NRG4: variants seen among roughly 807,000 people sequenced by gnomAD.
NRG4 encodes pro-neuregulin-4, membrane-bound isoform.
NRG4 carries 10 observed loss-of-function variants against 15.0 expected under a neutral mutation model. That is an observed-to-expected ratio of 0.67 (90% CI 0.41 to 1.13). NRG4 has a LOEUF of 1.13. Ranked by LOEUF, NRG4 falls within the 50% of genes most tolerant of loss-of-function variation. The pLI, the probability that NRG4 is intolerant of heterozygous loss-of-function variation, is 0.00. For missense variants in NRG4, 139 were observed against 140.2 expected (o/e 0.99, Z 0.04); for synonymous variants, 41 against 50.1 (o/e 0.82, Z 0.77).
At chr15:76,042,815 G>A (rs1367338375) in intron 4 of NRG4, among the ~76,000 whole-genome samples, 1 of 152,094 alleles carries the variant, frequency 6.6e-6, no homozygotes, top group East Asian at 1.9e-4. Flanking sequence ...TACAAGGTCA[G>A]TATTACCCTG....
At chr15:75,965,760 C>T (rs993279787) in intron 3 of NRG4, among the ~76,000 whole-genome samples, 1 of 152,190 alleles carries the variant, frequency 6.6e-6, no homozygotes, top group Non-Finnish European at 1.5e-5. Context: ...AATTAATCGA[C>T]TCCTTCAAAA....
chr15:76,044,099 G>A (rs1442120449), intron 4 of NRG4, among the ~76,000 whole-genome samples: 9 of 152,020 alleles, frequency 5.9e-5, no homozygotes, highest in East Asian at 1.9e-4. Context: ...CCAGGTTCAC[G>A]CCATTCTCCT....
At chr15:76,037,062 C>CA (rs2035613040) in intron 4 of NRG4, among the ~76,000 whole-genome samples, 1 of 151,996 alleles carries the variant, frequency 6.6e-6, no homozygotes, top group Non-Finnish European at 1.5e-5. Flanking sequence ...AATCAACATA[C>CA]AAAAATCAAT....
At chr15:76,054,566 C>T (rs1324471761) in intron 2 of NRG4, among the ~76,000 whole-genome samples, 1 of 152,222 alleles carries the variant, frequency 6.6e-6, no homozygotes, top group Non-Finnish European at 1.5e-5. Flanking sequence ...AGGCGCCCAC[C>T]ACCACGCTCA....
At chr15:75,945,581 A>C (rs376381155) in intron 5 of NRG4, among the ~76,000 whole-genome samples, 1 of 152,200 alleles carries the variant, frequency 6.6e-6, no homozygotes, top group Non-Finnish European at 1.5e-5. Flanking sequence ...CAAACCTAAC[A>C]AACAAAAGAC....
intron 3 of NRG4, among the ~76,000 whole-genome samples, chr15:76,002,360 A>C (rs1350051258): frequency 3.3e-5 from 5 of 152,226 alleles, no homozygotes; most frequent in Non-Finnish European, 1.5e-5. Flanking sequence ...TGAAGAAAAT[A>C]AAGTGGGAAC....
At chr15:76,018,213 G>T (rs571745713) in intron 5 of NRG4, among the ~76,000 whole-genome samples, 1 of 152,188 alleles carries the variant, frequency 6.6e-6, no homozygotes, top group African/African-American at 2.4e-5. Context: ...GCTTATTCCA[G>T]TTAGTAATTC....
At chr15:75,978,791 C>T (rs567831378) in intron 3 of NRG4, among the ~76,000 whole-genome samples, 13 of 152,180 alleles carry the variant, frequency 8.5e-5, no homozygotes, top group Middle Eastern at 3.4e-3. Context: ...CTATGGTTAG[C>T]GATGTTGAAC....
At chr15:75,968,585 TAA>T (rs71140190) in intron 3 of NRG4, among the ~76,000 whole-genome samples, 4,644 of 99,020 alleles carry the variant, frequency 0.047, 144 homozygotes, top group African/African-American at 0.11. Flanking sequence ...AAACTCCATC[TAA>T]AAAAAAAAAA....
intron 4 of NRG4, among the ~76,000 whole-genome samples, chr15:76,038,378 C>T (rs955433536): frequency 1.3e-5 from 2 of 152,204 alleles, no homozygotes; most frequent in Non-Finnish European, 2.9e-5. Context: ...GAGGGGACCC[C>T]ACTTCCCTGA....
At chr15:76,053,313 ACTAG>A (rs2036069990) in intron 2 of NRG4, 1 of 150,934 alleles carries the variant, frequency 6.6e-6, no homozygotes, top group Non-Finnish European at 1.5e-5. Flanking sequence ...TTGGTTCCTT[ACTAG>A]CTGTGTGATC....
intron 5 of NRG4, among the ~76,000 whole-genome samples, chr15:76,028,824 C>T (rs552039865): frequency 2.8e-5 from 4 of 142,042 alleles, no homozygotes; most frequent in African/African-American, 5.3e-5. Context: ...TGCCTGAACC[C>T]GGGAGGGGAA....
In NRG4 at chr15:75,961,860, T is replaced by C. The variant is rs1318426423; in HGVS notation, c.219A>G (p.Thr73=). The stretch of plus-strand genomic sequence containing the variant: ...GGAAGTAGAAGGCTCCAATGATAAG[T>C]GTTACTAGGACCGCCAATGCCACAA... The part of the protein sequence containing the change: ...EAFVALAVLV[T]LIIGAFYFLC... Residue 73 remains threonine, a synonymous_variant, in exon 4 of 6, where the codon ACA becomes ACG. Coordinates refer to ENST00000394907, the MANE Select transcript of NRG4 (RefSeq NM_138573.4). 4 of 1,613,808 alleles carry C rather than the reference T, an allele frequency of 2.5e-6. No homozygotes were observed. Among genetic ancestry groups the C allele is most frequent in the Admixed American group, 3.3e-5 (2 of 60,024 alleles).
intron 5 of NRG4, among the ~76,000 whole-genome samples, chr15:76,020,315 A>C (rs954746129): frequency 1.8e-4 from 27 of 152,210 alleles, no homozygotes; most frequent in African/African-American, 6.5e-4. Flanking sequence ...TTAAAGCAAA[A>C]GCTAAAATGA....
intron 3 of NRG4, among the ~76,000 whole-genome samples, chr15:76,005,159 A>C (rs2034551299): frequency 6.6e-6 from 1 of 152,118 alleles, no homozygotes; most frequent in African/African-American, 2.4e-5. Context: ...GGATCACTTA[A>C]GGCCAGGAGT....
At chr15:75,979,217 AT>A (rs1293017503) in intron 3 of NRG4, among the ~76,000 whole-genome samples, 1 of 152,086 alleles carries the variant, frequency 6.6e-6, no homozygotes, top group East Asian at 1.9e-4. Flanking sequence ...GTCCTAAAGC[AT>A]TTCCCCCTAT....
At chr15:75,974,765 T>C (rs796777404) in intron 3 of NRG4, among the ~76,000 whole-genome samples, 8 of 152,314 alleles carry the variant, frequency 5.3e-5, no homozygotes, top group African/African-American at 1.9e-4. Flanking sequence ...AGCAGTGTTT[T>C]ACTTCCAATT....
Position 75,948,305 on chromosome 15 carries a change from CTTTATTTATTTATTTA to C in NRG4, c.332-4667_332-4652del, listed in dbSNP as rs142980207. Among the ~76,000 whole-genome samples, 218 of 144,526 alleles carry C rather than the reference CTTTATTTATTTATTTA, an allele frequency of 1.5e-3. 2 individuals are homozygous for C. The highest frequency in any genetic ancestry group is 0.013 in the South Asian group (57 of 4,454). The allele number at this position is 144,526 out of a possible 152,430, so 94.8% of individuals were successfully genotyped here. On this transcript the variant is annotated intron_variant, in intron 5 of 5. Transcript: ENST00000394907. The stretch of plus-strand genomic sequence containing the variant: ...CTCTTACGTTTAGGTCTTTGATCCA[CTTTATTTATTTATTTA>C]TTTATTTATTTATTTATTTATTTAT...
At chr15:76,010,923 T>A (rs916599602) in intron 2 of NRG4, among the ~76,000 whole-genome samples, 2 of 152,124 alleles carry the variant, frequency 1.3e-5, no homozygotes, top group African/African-American at 4.8e-5. Flanking sequence ...TGAATCTACT[T>A]TTATTCTGAC....
Sources: gnomAD v4.1 joint callset for allele counts (sites outside exome capture counted in the v4.1 genomes callset) on GRCh38, gnomAD v4.1.1 for gene constraint, MANE v1.5 for transcripts, NCBI Gene and HGNC (gene_info 2026-07-23, HGNC 2026-07-21) for gene names.